Variants in KCNJ6 observed in about 807,000 individuals in gnomAD.
KCNJ6 encodes the protein G protein-activated inward rectifier potassium channel 2.
KCNJ6 carries 9 observed loss-of-function variants against 34.2 expected under a neutral mutation model. The observed-to-expected ratio is 0.26, with a 90% confidence interval of 0.16 to 0.46. The LOEUF (loss-of-function observed/expected upper bound fraction) is 0.46, where lower values mean the gene tolerates loss of function less well. Among genes scored for constraint, KCNJ6 ranks in the 20% least tolerant of loss-of-function variants. The pLI is 1.00. For missense variants in KCNJ6, 236 were observed against 531.3 expected (o/e 0.44, Z 5.46); for synonymous variants, 196 against 207.1 (o/e 0.95, Z 0.46).
At chr21:37,702,935 C>A (rs1401370662) in intron 3 of KCNJ6, among the ~76,000 whole-genome samples, 1 of 151,722 alleles carries the variant, frequency 6.6e-6, no homozygotes, top group African/African-American at 2.4e-5. Context: ...TTGGATCTGG[C>A]GGGATGGACG....
At chr21:37,753,310 C>T (rs532197138) in intron 2 of KCNJ6, among the ~76,000 whole-genome samples, 12 of 152,288 alleles carry the variant, frequency 7.9e-5, no homozygotes, top group Non-Finnish European at 1.6e-4. Context: ...AGCTGTGATC[C>T]TGAACGTCCC....
rs2054266608 is a variant in KCNJ6 at position 37,616,323 on chromosome 21, G to A, written c.*8836C>T. On this transcript the variant is annotated 3_prime_UTR_variant, in exon 4 of 4. Coordinates refer to ENST00000609713, the MANE Select transcript of KCNJ6 (RefSeq NM_002240.5). ...AATCATTTTGGAATCCTATGAACTT[G>A]TGAGTTCACTGTTGTCTCTGTGTGG... 6.6e-6 allele frequency: 1 copy of A among 152,050 alleles called. No individual in the cohort carries two copies. The highest frequency in any genetic ancestry group is 1.5e-5 in the Non-Finnish European group (1 of 68,036). The allele number at this position is 152,050 out of a possible 1,614,324, so 9.4% of individuals were successfully genotyped here.
At chr21:37,655,266 AGAGAGAGAGAGAGAGAGAGT>A (rs1365393260) in intron 3 of KCNJ6, among the ~76,000 whole-genome samples, 2,917 of 106,196 alleles carry the variant, frequency 0.027, 107 homozygotes, top group African/African-American at 0.076. Flanking sequence ...AGAGAGAGAG[AGAGAGAGAGAGAGAGAGAGT>A]GTAACCATGA....
chr21:37,702,796 A>G (rs1284484214), intron 3 of KCNJ6, among the ~76,000 whole-genome samples: 4 of 152,170 alleles, frequency 2.6e-5, no homozygotes, highest in Non-Finnish European at 5.9e-5. Context: ...AGGCACTCTT[A>G]TTGAGGTAGG....
chr21:37,664,128 T>C (rs1169702011), intron 3 of KCNJ6, among the ~76,000 whole-genome samples: 2 of 152,122 alleles, frequency 1.3e-5, no homozygotes, highest in East Asian at 3.8e-4. Context: ...CAGTTAATAA[T>C]CCAACATCAT....
intron 1 of KCNJ6, among the ~76,000 whole-genome samples, chr21:37,909,183 T>A (rs1324026592): frequency 1.3e-5 from 2 of 152,212 alleles, no homozygotes; most frequent in Non-Finnish European, 2.9e-5. Context: ...ATTAGATTTA[T>A]GTGAAAGAAA....
intron 2 of KCNJ6, among the ~76,000 whole-genome samples, chr21:37,752,356 G>A (rs755443793): frequency 1.3e-5 from 2 of 152,132 alleles, no homozygotes; most frequent in African/African-American, 2.4e-5. Flanking sequence ...ATCCTAGGAG[G>A]TGGTCTGACA....
At chr21:37,894,043 A>T (rs759987536) in intron 1 of KCNJ6, among the ~76,000 whole-genome samples, 1 of 152,220 alleles carries the variant, frequency 6.6e-6, no homozygotes, top group Non-Finnish European at 1.5e-5. Context: ...ACCCTCCATC[A>T]CTTATAACTT....
chr21:37,683,724 C>T (rs144301449), intron 3 of KCNJ6, among the ~76,000 whole-genome samples: 46 of 152,230 alleles, frequency 3.0e-4, no homozygotes, highest in East Asian at 2.1e-3. Flanking sequence ...CACAGAGTTC[C>T]GGTGTGGGGA....
At chr21:37,648,062 G>T (rs1306713107) in intron 3 of KCNJ6, among the ~76,000 whole-genome samples, 3 of 152,200 alleles carry the variant, frequency 2.0e-5, no homozygotes. Context: ...GCCTGGGTTA[G>T]CCAGGAGTGA....
At chr21:37,823,031 A>C (rs1005026070) in intron 2 of KCNJ6, among the ~76,000 whole-genome samples, 8 of 152,304 alleles carry the variant, frequency 5.3e-5, no homozygotes, top group African/African-American at 1.9e-4. Flanking sequence ...CACAGAAATA[A>C]GAAAGGACAT....
At chr21:37,652,368 G>A (rs1051812559) in intron 3 of KCNJ6, among the ~76,000 whole-genome samples, 4 of 152,236 alleles carry the variant, frequency 2.6e-5, no homozygotes, top group African/African-American at 9.6e-5. Context: ...GGAGCCTGTT[G>A]AGTAGTGAAT....
chr21:37,719,891 G>T (rs1050623387), intron 2 of KCNJ6, among the ~76,000 whole-genome samples: 6 of 152,190 alleles, frequency 3.9e-5, no homozygotes, highest in Admixed American at 1.3e-4. Flanking sequence ...GCCCTGGTCT[G>T]TAGTAGATGT....
At chr21:37,876,731 T>A (rs1415676682) in intron 1 of KCNJ6, among the ~76,000 whole-genome samples, 1 of 135,778 alleles carries the variant, frequency 7.4e-6, no homozygotes, top group Non-Finnish European at 1.5e-5. Flanking sequence ...CGTGGGTGGA[T>A]CCATGTAGAC....
intron 3 of KCNJ6, among the ~76,000 whole-genome samples, chr21:37,630,132 C>CTGTGTGTGTGTG (rs367573192): frequency 4.1e-4 from 18 of 44,360 alleles, no homozygotes; most frequent in African/African-American, 1.9e-3. Context: ...AAGATGACAT[C>CTGTGTGTGTGTG]TCTGTGTGTG....
intron 3 of KCNJ6, among the ~76,000 whole-genome samples, chr21:37,652,609 T>A (rs757780372): frequency 1.3e-5 from 2 of 152,122 alleles, no homozygotes; most frequent in Non-Finnish European, 2.9e-5. Flanking sequence ...TATAGTGTTT[T>A]AGGGTGAGGC....
Position 37,727,549 on chromosome 21 carries a change from C to T in KCNJ6, c.26-12418G>A, listed in dbSNP as rs538655520. ...ACTGGGGGAGTTTTGAATACTTTTA[C>T]ATGTTGAGAAGGAGCCAAAAGGGTT... is the stretch of plus-strand genomic sequence containing the variant. On this transcript the variant is annotated intron_variant, in intron 2 of 3. Transcript: ENST00000609713. Among the ~76,000 whole-genome samples, 4 of 152,038 alleles carry T rather than the reference C, an allele frequency of 2.6e-5. No individual in the cohort carries two copies. The South Asian group carries it at 8.3e-4, about 32-fold the overall frequency.
chr21:37,846,353 CTGTGTGTGTGTGTGTG>C (rs55697215), intron 1 of KCNJ6, among the ~76,000 whole-genome samples: 10,728 of 144,992 alleles, frequency 0.074, 419 homozygotes, highest in Middle Eastern at 0.12. Flanking sequence ...CTGAGACACT[CTGTGTGTGTGTGTGTG>C]TGTGTGTGTG....
At position 37,759,501 on chromosome 21, in the gene KCNJ6, T is replaced by G. The variant is rs190251792; in HGVS notation, c.26-44370A>C. Among the ~76,000 whole-genome samples, 496 of 152,266 alleles carry G rather than the reference T, an allele frequency of 3.3e-3. 2 individuals carry two copies. The highest frequency in any genetic ancestry group is 0.012 in the African/African-American group (480 of 41,558). ...GTGTTCTCACAACCCCGCAGGGTCT[T>G]GCTCCTCCCTGTGCCGCCAAGCTTG... On this transcript the variant is annotated intron_variant, in intron 2 of 3. Coordinates refer to ENST00000609713, the MANE Select transcript of KCNJ6 (RefSeq NM_002240.5).
Sources: allele counts gnomAD v4.1 joint callset (sites outside exome capture counted in the v4.1 genomes callset), GRCh38; gene constraint gnomAD v4.1.1; transcripts MANE v1.5; gene names NCBI Gene and HGNC (gene_info 2026-07-23, HGNC 2026-07-21).